DGKB: variants seen among roughly 807,000 people sequenced by gnomAD.
DGKB encodes the protein 90 kDa diacylglycerol kinase.
Under a neutral mutation model 114.3 loss-of-function variants are expected in DGKB, and 67 were observed. The observed-to-expected ratio is 0.59, with a 90% CI of 0.48 to 0.72. DGKB has a LOEUF of 0.72. DGKB is among the 30% of genes least tolerant of loss of function. DGKB has a pLI of 0.00. For missense variants in DGKB, 907 were observed against 975.2 expected (o/e 0.93, Z 0.93); for synonymous variants, 398 against 323.1 (o/e 1.23, Z -2.49).
At chr7:14,465,977 C>G (rs1563244255) in intron 21 of DGKB, among the ~76,000 whole-genome samples, 1 of 151,932 alleles carries the variant, frequency 6.6e-6, no homozygotes, top group East Asian at 1.9e-4. Flanking sequence ...TGGAAGTAGA[C>G]GTTTGCATGT....
chr7:14,330,776 T>C (rs1480600114), intron 23 of DGKB, among the ~76,000 whole-genome samples: 1 of 151,982 alleles, frequency 6.6e-6, no homozygotes, highest in Non-Finnish European at 1.5e-5. Context: ...CTTTTTAAAT[T>C]TCTAGGAGCT....
chr7:14,529,108 T>C (rs947915751), intron 20 of DGKB, among the ~76,000 whole-genome samples: 15 of 152,072 alleles, frequency 9.9e-5, no homozygotes, highest in African/African-American at 3.6e-4. Context: ...TGGGTAAGTA[T>C]TTACAATGAT....
At chr7:14,250,487 G>C (rs1388356444) in intron 23 of DGKB, among the ~76,000 whole-genome samples, 1 of 151,908 alleles carries the variant, frequency 6.6e-6, no homozygotes, top group African/African-American at 2.4e-5. Flanking sequence ...TTGACTTCTA[G>C]TTTCATGCCA....
chr7:14,188,247 A>G (rs1171242523), intron 23 of DGKB, among the ~76,000 whole-genome samples: 1 of 152,180 alleles, frequency 6.6e-6, no homozygotes, highest in Non-Finnish European at 1.5e-5. Context: ...ATTTTCTCAT[A>G]ATAGGAGTGT....
chr7:14,308,408 A>G (rs1355064749), intron 23 of DGKB, among the ~76,000 whole-genome samples: 1 of 152,176 alleles, frequency 6.6e-6, no homozygotes, highest in Non-Finnish European at 1.5e-5. Flanking sequence ...TACACCTCTA[A>G]TAGGATATTT....
chr7:14,743,337 G>T (rs1229363649), intron 4 of DGKB, among the ~76,000 whole-genome samples: 1 of 152,136 alleles, frequency 6.6e-6, no homozygotes, highest in Non-Finnish European at 1.5e-5. Flanking sequence ...AAACTGTTTG[G>T]AAAGCTAAGT....
rs372130644 is a variant in DGKB, at chr7:14,221,095, G to C, written c.2123-42944C>G. Among the ~76,000 whole-genome samples the C allele has an allele frequency of 5.3e-5, 8 of 151,206 alleles. No individual in the cohort carries two copies. The South Asian group carries it at 1.2e-3, about 23-fold the overall frequency. On this transcript the variant is annotated intron_variant, in intron 23 of 25. Transcript: ENST00000402815. ...ATTCCTTAAGATCTCCTATATATAA[G>C]AACATGTTATGTGCAAATAGAAATA...
intron 23 of DGKB, among the ~76,000 whole-genome samples, chr7:14,186,537 G>T (rs117619667): frequency 0.014 from 2,076 of 152,242 alleles, 19 homozygotes; most frequent in Non-Finnish European, 0.02. Context: ...CAAAGGAAAA[G>T]AAGTCATTAT....
intron 23 of DGKB, among the ~76,000 whole-genome samples, chr7:14,236,573 T>A (rs1562700828): frequency 6.6e-6 from 1 of 151,972 alleles, no homozygotes; most frequent in East Asian, 1.9e-4. Flanking sequence ...GTAATTTTCG[T>A]GAAATAATTT....
chr7:14,275,761 T>A (rs145869148), intron 23 of DGKB, among the ~76,000 whole-genome samples: 2 of 152,164 alleles, frequency 1.3e-5, no homozygotes, highest in Admixed American at 1.3e-4. Context: ...AGTAACAGAT[T>A]AGAAGAATTC....
At chr7:14,567,822 G>A (rs1432596949) in intron 20 of DGKB, among the ~76,000 whole-genome samples, 3 of 151,520 alleles carry the variant, frequency 2.0e-5, no homozygotes, top group African/African-American at 2.4e-5. Flanking sequence ...GACCAGGCTG[G>A]CCTTGAACTC....
At chr7:14,786,932 G>A (rs1839988574) in intron 2 of DGKB, among the ~76,000 whole-genome samples, 1 of 152,216 alleles carries the variant, frequency 6.6e-6, no homozygotes, top group African/African-American at 2.4e-5. Flanking sequence ...ACTACCCACT[G>A]TGGATCTCCT....
chr7:14,302,342 C>A (rs1803707495), intron 23 of DGKB, among the ~76,000 whole-genome samples: 1 of 152,034 alleles, frequency 6.6e-6, no homozygotes, highest in South Asian at 2.1e-4. Flanking sequence ...CACATATGAT[C>A]ACTTTGTGAT....
intron 23 of DGKB, among the ~76,000 whole-genome samples, chr7:14,336,195 T>G (rs535094304): frequency 2.6e-5 from 4 of 152,240 alleles, no homozygotes; most frequent in Non-Finnish European, 1.5e-5. Flanking sequence ...AAATATGAAA[T>G]CAAAACTTAG....
At chr7:14,261,352 G>C (rs1475502012) in intron 23 of DGKB, among the ~76,000 whole-genome samples, 1 of 151,866 alleles carries the variant, frequency 6.6e-6, no homozygotes, top group East Asian at 1.9e-4. Flanking sequence ...ATAATGTATA[G>C]GTGGCCTCTT....
chr7:14,680,929 A>G (rs1585605017), intron 12 of DGKB, among the ~76,000 whole-genome samples: 1 of 152,126 alleles, frequency 6.6e-6, no homozygotes, highest in Non-Finnish European at 1.5e-5. Context: ...ATAAGTTTGT[A>G]ATTTATGAAG....
intron 1 of DGKB, among the ~76,000 whole-genome samples, chr7:14,895,668 A>C (rs1457095927): frequency 3.3e-5 from 5 of 151,556 alleles, no homozygotes; most frequent in African/African-American, 9.7e-5. Flanking sequence ...AGAATGCTTG[A>C]CACAGAGTAG....
At chr7:14,579,371 T>A (rs2128720636) in intron 19 of DGKB, among the ~76,000 whole-genome samples, 1 of 152,306 alleles carries the variant, frequency 6.6e-6, no homozygotes, top group South Asian at 2.1e-4. Context: ...CAAGAATTAT[T>A]AGAGTATGCC....
rs1823721585 is a variant in DGKB at position 14,405,020 on chromosome 7, A to G, written c.1836-59629T>C. On this transcript the variant is annotated intron_variant, in intron 21 of 25. Coordinates refer to ENST00000402815, the MANE Select transcript of DGKB (RefSeq NM_001350709.2). ...AGAACTTGATCATTTCCAGATTTATATCTAAAATTTCAAACTCCAATAGGA... is the reference window on the plus strand; with the variant it reads ...AGAACTTGATCATTTCCAGATTTATGTCTAAAATTTCAAACTCCAATAGGA... Among the ~76,000 whole-genome samples the G allele has an allele frequency of 2.6e-5, 4 of 151,848 alleles. No individual in the cohort carries two copies. The Admixed American group carries it at 2.6e-4, about 10-fold the overall frequency.
Sources: allele counts gnomAD v4.1 joint callset (sites outside exome capture counted in the v4.1 genomes callset), GRCh38; gene constraint gnomAD v4.1.1; transcripts MANE v1.5; gene names NCBI Gene and HGNC (gene_info 2026-07-23, HGNC 2026-07-21).